Variants in SUPT3H observed in about 807,000 individuals in gnomAD.
The protein encoded by SUPT3H is transcription initiation protein SPT3 homolog.
SUPT3H carries 44 observed loss-of-function variants against 44.3 expected under a neutral mutation model. That is an observed-to-expected ratio of 0.99 (90% CI 0.78 to 1.28). The LOEUF is 1.28. Among genes scored for constraint, SUPT3H ranks in the 50% most tolerant of loss-of-function variants. The pLI, the probability that SUPT3H is intolerant of heterozygous loss-of-function variation, is 0.00. For missense variants in SUPT3H, 380 were observed against 387.1 expected, an observed-to-expected ratio of 0.98 and a Z score of 0.15; for synonymous variants, 124 against 125.6, an observed-to-expected ratio of 0.99 and a Z score of 0.09.
At chr6:44,984,283 G>A (rs2153492051) in intron 6 of SUPT3H, among the ~76,000 whole-genome samples, 1 of 152,236 alleles carries the variant, frequency 6.6e-6, no homozygotes. Context: ...AGGTGATGAA[G>A]CTAACTTGGG....
At chr6:45,171,552 AC>A (rs1810767959) in intron 2 of SUPT3H, among the ~76,000 whole-genome samples, 3 of 152,124 alleles carry the variant, frequency 2.0e-5, no homozygotes, top group Non-Finnish European at 1.5e-5. Context: ...ACTGAAGAGG[AC>A]CTTTCAAACC....
intron 1 of SUPT3H, among the ~76,000 whole-genome samples, chr6:45,374,366 T>A (rs1227725010): frequency 6.6e-6 from 1 of 152,194 alleles, no homozygotes; most frequent in African/African-American, 2.4e-5. Context: ...ATTAACCTCT[T>A]ATGAACCTAG....
intron 3 of SUPT3H, among the ~76,000 whole-genome samples, chr6:45,049,500 CTT>C (rs942450657): frequency 6.6e-6 from 1 of 152,246 alleles, no homozygotes; most frequent in African/African-American, 2.4e-5. Flanking sequence ...TCTAGGTCCC[CTT>C]TTATTTTCCT....
At chr6:45,214,721 T>C (rs1472938088) in intron 2 of SUPT3H, among the ~76,000 whole-genome samples, 1 of 152,168 alleles carries the variant, frequency 6.6e-6, no homozygotes, top group African/African-American at 2.4e-5. Context: ...TGTTGGCACA[T>C]GCTTGTAGTC....
intron 3 of SUPT3H, among the ~76,000 whole-genome samples, chr6:45,083,093 A>G (rs898683683): frequency 7.2e-5 from 11 of 151,928 alleles, no homozygotes; most frequent in African/African-American, 2.7e-4. Context: ...AAGGAGAACT[A>G]TAAAACCCTG....
At position 45,062,485 on chromosome 6, in the gene SUPT3H, G is replaced by A. The variant is rs545857023; in HGVS notation, c.187-41853C>T. Among the ~76,000 whole-genome samples the A allele has an allele frequency of 1.1e-4, 16 of 152,250 alleles. No individual in the cohort carries two copies. The East Asian group carries it at 1.5e-3, about 15-fold the overall frequency. ...AAGATGGCCGAATAGGAACAGCTCC[G>A]GTCTACAGCTCCCAGCGTGAGCGAC... On this transcript the variant is annotated intron_variant, in intron 3 of 10. Transcript: ENST00000371459.
At chr6:44,857,909 C>T (rs1293582) in intron 10 of SUPT3H, among the ~76,000 whole-genome samples, 3,097 of 152,264 alleles carry the variant, frequency 0.02, 42 homozygotes, top group Non-Finnish European at 0.033. Context: ...GACTTGTTCT[C>T]AGAACACATA....
intron 10 of SUPT3H, among the ~76,000 whole-genome samples, chr6:44,833,360 T>G (rs1052697446): frequency 6.6e-6 from 1 of 152,174 alleles, no homozygotes; most frequent in Non-Finnish European, 1.5e-5. Context: ...CACTGTGTGC[T>G]TGGTGGTACA....
rs1460348334 is a variant in SUPT3H, at chr6:45,077,244, T to C, written c.186+28678A>G. Among the ~76,000 whole-genome samples, 4 of 152,162 alleles carry C rather than the reference T, an allele frequency of 2.6e-5. No individual in the cohort carries two copies. In the East Asian group the frequency reaches 5.8e-4, roughly 22 times the overall value. ...AGTATATTCATTCCTGAACAGACCA[T>C]ATACCATACAAACTATATCCTCTCT... On this transcript the variant is annotated intron_variant, in intron 3 of 10. Coordinates refer to ENST00000371459, the MANE Select transcript of SUPT3H (RefSeq NM_003599.4).
At chr6:44,969,463 C>A (rs776724870) in intron 6 of SUPT3H, among the ~76,000 whole-genome samples, 1 of 151,800 alleles carries the variant, frequency 6.6e-6, no homozygotes, top group Admixed American at 6.6e-5. Context: ...GTAAAGAAAT[C>A]TTCTTTCCTC....
chr6:45,001,734 T>C (rs1379178366), intron 6 of SUPT3H, among the ~76,000 whole-genome samples: 1 of 152,054 alleles, frequency 6.6e-6, no homozygotes, highest in Non-Finnish European at 1.5e-5. Flanking sequence ...TAAGTGATGC[T>C]TGGAGGAAAG....
chr6:45,325,312 C>G (rs1471569424), intron 2 of SUPT3H, among the ~76,000 whole-genome samples: 1 of 151,666 alleles, frequency 6.6e-6, no homozygotes, highest in Admixed American at 6.6e-5. Flanking sequence ...TAAAGTAAAA[C>G]TAATGTATTA....
rs141234139 is a variant in SUPT3H at position 44,957,499 on chromosome 6, A to G, written c.581-2892T>C. On this transcript the variant is annotated intron_variant, in intron 7 of 10. Coordinates refer to ENST00000371459, the MANE Select transcript of SUPT3H (RefSeq NM_003599.4). ...AACAGGCAGCAATTTGGCAAGATCA[A>G]TGAGATGTACATTAATCACTTATCT... 5.3e-5 allele frequency among the ~76,000 whole-genome samples: 8 copies of G among 152,332 alleles called. No homozygotes were observed. In the East Asian group the frequency reaches 5.8e-4, roughly 11 times the overall value.
intron 2 of SUPT3H, among the ~76,000 whole-genome samples, chr6:45,233,746 G>C (rs1259044899): frequency 1.3e-5 from 2 of 152,154 alleles, no homozygotes; most frequent in African/African-American, 4.8e-5. Flanking sequence ...TCTTTCTGGA[G>C]AGGATGTGTG....
chr6:44,820,900 G>C (rs943925901), intron 11 of SUPT3H, among the ~76,000 whole-genome samples: 1 of 152,182 alleles, frequency 6.6e-6, no homozygotes, highest in African/African-American at 2.4e-5. Flanking sequence ...GCCCAGGTTG[G>C]AGTGCAATGG....
chr6:44,983,098 A>G (rs1172438120), intron 6 of SUPT3H, among the ~76,000 whole-genome samples: 3 of 152,328 alleles, frequency 2.0e-5, no homozygotes, highest in South Asian at 2.1e-4. Context: ...ATGTATGTCA[A>G]TGCTCTTTGA....
Position 45,186,724 on chromosome 6 carries a change from T to C in SUPT3H, c.102-80718A>G, listed in dbSNP as rs150618309. Among the ~76,000 whole-genome samples the C allele has an allele frequency of 2.1e-3, 323 of 152,214 alleles. 1 individual carries two copies. The highest frequency in any genetic ancestry group is 7.5e-3 in the African/African-American group (309 of 41,474). On this transcript the variant is annotated intron_variant, in intron 2 of 10. Coordinates refer to ENST00000371459, the MANE Select transcript of SUPT3H (RefSeq NM_003599.4). ...TTACCTTCCTCCAGCTCTTCTCCCC[T>C]GACCCAGGTCATAAAATCTAAAAAG...
intron 3 of SUPT3H, among the ~76,000 whole-genome samples, chr6:45,043,927 A>T (rs1788976660): frequency 6.6e-6 from 1 of 152,208 alleles, no homozygotes; most frequent in African/African-American, 2.4e-5. Flanking sequence ...TGCCTTTCTA[A>T]AAATGAGAAA....
At chr6:45,079,210 T>C (rs1275807994) in intron 3 of SUPT3H, among the ~76,000 whole-genome samples, 1 of 152,126 alleles carries the variant, frequency 6.6e-6, no homozygotes, top group African/African-American at 2.4e-5. Context: ...CTTGGGAGGC[T>C]GAGGCAGGAG....
Sources: allele counts gnomAD v4.1 joint callset (sites outside exome capture counted in the v4.1 genomes callset), GRCh38; gene constraint gnomAD v4.1.1; transcripts MANE v1.5; gene names NCBI Gene and HGNC (gene_info 2026-07-23, HGNC 2026-07-21).